The following IRAK1 variants were observed in gnomAD, a reference collection of about 807,000 sequenced individuals.
IRAK1 encodes interleukin-1 receptor-associated kinase 1.
A neutral mutation model predicts 49.8 loss-of-function variants in IRAK1; 9 were observed. The observed-to-expected ratio is 0.18, with a 90% CI of 0.11 to 0.32. The LOEUF (loss-of-function observed/expected upper bound fraction) is 0.32, where lower values mean the gene tolerates loss of function less well. Ranked by LOEUF, IRAK1 falls within the 10% of genes least tolerant of loss-of-function variation. IRAK1 has a pLI of 1.00. For synonymous variants in IRAK1, 282 were observed against 270.8 expected, an observed-to-expected ratio of 1.04 and a Z score of -0.41; for missense variants, 418 against 600.5, an observed-to-expected ratio of 0.70 and a Z score of 3.18.
chrX:154,013,431 C>G lies in IRAK1; in HGVS notation c.1542G>C (p.Val514=), dbSNP rs782718514. 5 of 1,174,495 alleles carry G rather than the reference C, an allele frequency of 4.3e-6. No homozygotes were observed. The African/African-American group carries it at 9.0e-5, about 21-fold the overall frequency. The change falls in exon 12 of 14, where the codon GTG becomes GTC. Residue 514 remains valine, a splice_region_variant and synonymous_variant. Transcript: ENST00000369980. ...RAKRRPPMTQ[V]YERLEKLQAV... The stretch of plus-strand genomic sequence containing the variant: ...CCTGCAGCTTCTCTAGCCTCTCGTA[C>G]ACCTGCAAGTGGAAAAGAGGGACTC...
intron 12 of IRAK1, among the ~76,000 whole-genome samples, 162 bp downstream of exon 12, chrX:154,012,881 G>T (rs782142847): frequency 8.8e-6 from 1 of 113,204 alleles, no homozygotes; most frequent in African/African-American, 3.2e-5. Context: ...AGCTCCACCT[G>T]GGAAGGATGT....
At chrX:154,014,929 G>C (rs1208285266) in intron 10 of IRAK1, among the ~76,000 whole-genome samples, 3 of 111,479 alleles carry the variant, frequency 2.7e-5, no homozygotes, top group African/African-American at 6.5e-5. Context: ...AGCCGAGAAG[G>C]AAAGCGCCCC....
intron 10 of IRAK1, among the ~76,000 whole-genome samples, chrX:154,015,229 G>A (rs1332745744): frequency 2.7e-5 from 3 of 112,377 alleles, no homozygotes; most frequent in Non-Finnish European, 5.6e-5. Context: ...AGGCAAAGGG[G>A]CCTTTGAAAA....
At chrX:154,014,442 A>C (rs1431421389) in intron 10 of IRAK1, 164 bp from the exon 11 acceptor site, 8 of 504,492 alleles carry the variant, frequency 1.6e-5, no homozygotes, top group Admixed American at 4.2e-5. Context: ...AGTAGGCTCA[A>C]GTGATCCTCC....
At chrX:154,015,441 G>A (rs1226919142) in intron 10 of IRAK1, among the ~76,000 whole-genome samples, 7 of 112,722 alleles carry the variant, frequency 6.2e-5, no homozygotes, top group African/African-American at 2.3e-4. Context: ...CAAACAAGAG[G>A]AGAAGCAGTG....
At chrX:154,019,174 G>C in intron 3 of IRAK1, 23 bp downstream of exon 3, 2 of 1,211,238 alleles carry the variant, frequency 1.7e-6, no homozygotes, top group Non-Finnish European at 2.2e-6. Context: ...GGTCCACCGA[G>C]CCTAACAACC....
chrX:154,016,977 G>C lies in IRAK1; in HGVS notation c.1000C>G (p.Pro334Ala), dbSNP rs1182294229. 8.3e-7 allele frequency: 1 copy of C among 1,205,133 alleles called. No homozygotes were observed. Among genetic ancestry groups the C allele is most frequent in the Non-Finnish European group, 1.1e-6 (1 of 889,967 alleles). Residue 334 changes from proline (P) to alanine (A), a missense_variant, in exon 8 of 14, where the codon CCC becomes GCC. Around this residue, in one of 3 missense-constraint regions of IRAK1, gnomAD observed 377 missense variants for 499.5 expected, o/e 0.75. Coordinates refer to ENST00000369980, the MANE Select transcript of IRAK1 (RefSeq NM_001569.4). Reference sequence around the variant, plus strand: ...TTGATGTCTCCATGGATGAGGCTGGGGCTGTCCTGATGTAGAAACTGAATT... The same window carrying C: ...TTGATGTCTCCATGGATGAGGCTGGCGCTGTCCTGATGTAGAAACTGAATT... ...RAIQFLHQDS[P>A]SLIHGDIKSS...
At chrX:154,017,156 A>G (rs1203470273) in intron 7 of IRAK1, 89 bp from the exon 8 acceptor site, 3 of 594,914 alleles carry the variant, frequency 5.0e-6, no homozygotes, top group Non-Finnish European at 8.7e-6. Flanking sequence ...GCAGCCTGGA[A>G]CAGCCACTTC....
intron 7 of IRAK1, among the ~76,000 whole-genome samples, chrX:154,017,361 G>A (rs1294970661): frequency 1.8e-5 from 2 of 112,591 alleles, no homozygotes; most frequent in Non-Finnish European, 3.8e-5. Context: ...GCAGCATGCA[G>A]GAGGAGGCAA....
In IRAK1 at chrX:154,014,052, G is replaced by T; in HGVS notation, c.1529C>A (p.Pro510His). ...TGCGCAGCTGGCTACCTGGGTCATAGGAGGCCTCCTTTTGGCCCGGCGGTG... is the reference window on the plus strand; with the variant it reads ...TGCGCAGCTGGCTACCTGGGTCATATGAGGCCTCCTTTTGGCCCGGCGGTG... Reference protein sequence around the residue: ...CLHRRAKRRPPMTQVYERLEK... With the variant: ...CLHRRAKRRPHMTQVYERLEK... The change falls in exon 11 of 14, where the codon CCT (proline) becomes CAT (histidine). Residue 510 changes from proline to histidine, a missense_variant. Pro to His is a moderately conservative substitution (Grantham distance 77, BLOSUM62 -2). Coordinates refer to ENST00000369980, the MANE Select transcript of IRAK1 (RefSeq NM_001569.4). The T allele has an allele frequency of 8.4e-7, 1 of 1,196,049 alleles. No individual in the cohort carries two copies. Among genetic ancestry groups the T allele is most frequent in the East Asian group, 3.0e-5 (1 of 33,630 alleles).
At position 154,010,993 on chromosome X, in the gene IRAK1, GA is replaced by G; in HGVS notation, c.*865del. 2.9e-6 allele frequency: 1 copy of G among 342,917 alleles called. No individual in the cohort carries two copies. Among genetic ancestry groups the G allele is most frequent in the Non-Finnish European group, 5.9e-6 (1 of 170,285 alleles). The allele number at this position is 342,917 out of a possible 1,213,427, so 28.3% of individuals were successfully genotyped here. ...GCCTGAAGACACTGGCCCGAGGTTG[GA>G]GGTGGGTGCTGCTCGACTTTCTGGA... On this transcript the variant is annotated 3_prime_UTR_variant, in exon 14 of 14. Coordinates refer to ENST00000369980, the MANE Select transcript of IRAK1 (RefSeq NM_001569.4).
At chrX:154,016,318 G>T in intron 9 of IRAK1, 119 bp downstream of exon 9, 1 of 709,827 alleles carries the variant, frequency 1.4e-6, no homozygotes, top group African/African-American at 2.1e-5. Flanking sequence ...GGACCCTGGA[G>T]CTGCAGCCTC....
In IRAK1 at chrX:154,019,765, C is replaced by T; in HGVS notation, c.48G>A (p.Gln16=). 23 of 936,423 alleles carry T rather than the reference C, an allele frequency of 2.5e-5. No individual in the cohort carries two copies. The highest frequency in any genetic ancestry group is 3.1e-5 in the Non-Finnish European group (23 of 753,147). 77.2% of individuals were successfully genotyped at this position (936,423 alleles called of 1,213,427 possible). A position where few individuals can be genotyped will look rare whatever the true frequency, so the allele number is the denominator to read the frequency against. Residue 16 remains glutamine, a synonymous_variant, in exon 1 of 14, where the codon CAG becomes CAA. Transcript: ENST00000369980. ...AGGGCGGCACCTCGTACAAGAAGTG[C>T]TGGGCGCCGGGGGCTGCGGGCTCCC... ...GPGEPAAPGA[Q]HFLYEVPPWV... is the part of the protein sequence containing the mutation.
chrX:154,012,909 C>T (rs2065710535), intron 12 of IRAK1, 134 bp downstream of exon 12: 1 of 889,951 alleles, frequency 1.1e-6, no homozygotes. Flanking sequence ...GGAGGGGAAA[C>T]CAGGGTTGCT....
rs1557127346 is a variant in IRAK1 at position 154,011,289 on chromosome X, C to T, written c.*570G>A. On this transcript the variant is annotated 3_prime_UTR_variant, in exon 14 of 14. Coordinates refer to ENST00000369980, the MANE Select transcript of IRAK1 (RefSeq NM_001569.4). ...TTTTTTGGCAGAGACAGGGTCTCAT[C>T]ATGTTGCCCTGGCTGGTCTTGACCT... The T allele has an allele frequency of 3.9e-6, 1 of 256,966 alleles. No individual in the cohort carries two copies. The highest frequency in any genetic ancestry group is 7.3e-6 in the Non-Finnish European group (1 of 136,539). The allele number at this position is 256,966 out of a possible 1,213,427, so 21.2% of individuals were successfully genotyped here.
Position 154,013,173 on chromosome X carries a change from G to A in IRAK1, c.1800C>T (p.Arg600=). The A allele has an allele frequency of 8.3e-7, 1 of 1,209,443 alleles. No individual in the cohort carries two copies. Among genetic ancestry groups the A allele is most frequent in the Middle Eastern group, 2.7e-4 (1 of 3,657 alleles). The change falls in exon 12 of 14, where the codon CGC becomes CGT. Residue 600 remains arginine, a synonymous_variant. Coordinates refer to ENST00000369980, the MANE Select transcript of IRAK1 (RefSeq NM_001569.4). ...ESLGGLSAAL[R]SWHLTPSCPL... ...GGCAGCTTGGAGTCAAGTGCCAGGA[G>A]CGCAGGGCAGCAGAGAGGCCGCCTA...
intron 10 of IRAK1, among the ~76,000 whole-genome samples, 170 bp downstream of exon 10, chrX:154,015,862 C>T (rs987130028): frequency 1.8e-5 from 2 of 112,512 alleles, no homozygotes; most frequent in South Asian, 3.6e-4. Flanking sequence ...GGTTTGTCCT[C>T]GGCAAGGTAA....
Position 154,011,218 on chromosome X carries a change from G to T in IRAK1, c.*641C>A. 3.4e-6 allele frequency: 1 copy of T among 291,701 alleles called. No homozygotes were observed. The highest frequency in any genetic ancestry group is 3.1e-5 in the South Asian group (1 of 32,476). 24.0% of individuals were successfully genotyped at this position (291,701 alleles called of 1,213,427 possible). ...TCCTACTTCAGCCTCCCCAGCAGCT[G>T]GGACCACAGGCGTGCGCTACCACGC... is the stretch of plus-strand genomic sequence containing the variant. On this transcript the variant is annotated 3_prime_UTR_variant, in exon 14 of 14. Coordinates refer to ENST00000369980, the MANE Select transcript of IRAK1 (RefSeq NM_001569.4).
At chrX:154,013,969 GGGTC>G in intron 11 of IRAK1, 69 bp downstream of exon 11, 1 of 1,122,008 alleles carries the variant, frequency 8.9e-7, no homozygotes, top group African/African-American at 1.8e-5. Flanking sequence ...TGCTGAGATG[GGGTC>G]ACTACAGAGC....
Sources: allele counts gnomAD v4.1 joint callset (sites outside exome capture counted in the v4.1 genomes callset), GRCh38; gene constraint gnomAD v4.1.1; regional missense constraint gnomAD v4.1.1; transcripts MANE v1.5; gene names NCBI Gene and HGNC (gene_info 2026-07-23, HGNC 2026-07-21).